The following FAM168A variants were observed in gnomAD, a reference collection of about 807,000 sequenced individuals.
FAM168A encodes family with sequence similarity 168 member A.
Under a neutral mutation model 28.5 loss-of-function variants are expected in FAM168A, and 3 were observed. The ratio of observed to expected loss-of-function variants is 0.11; its 90% confidence interval spans 0.05 to 0.27. The LOEUF (loss-of-function observed/expected upper bound fraction) is 0.27, where lower values mean the gene tolerates loss of function less well. Ranked by LOEUF, FAM168A falls within the 10% of genes least tolerant of loss-of-function variation. FAM168A has a pLI of 1.00. For missense variants in FAM168A, 222 were observed against 311.5 expected (o/e 0.71, Z 2.16); for synonymous variants, 122 against 124.2 (o/e 0.98, Z 0.12).
rs370246141 is a variant in FAM168A at position 73,587,789 on chromosome 11, G to A, written c.-19+10134C>T. Among the ~76,000 whole-genome samples, 7 of 151,554 alleles carry A rather than the reference G, an allele frequency of 4.6e-5. No homozygotes were observed. The East Asian group carries it at 7.8e-4, about 17-fold the overall frequency. ...TTTTGAGATGGAGTCTAGTTCTGTCGCCCAGGCTGGAGGGCAGTGGCGCAA... is the reference window on the plus strand; with the variant it reads ...TTTTGAGATGGAGTCTAGTTCTGTCACCCAGGCTGGAGGGCAGTGGCGCAA... On this transcript the variant is annotated intron_variant, in intron 1 of 7. Coordinates refer to ENST00000356467, the MANE Select transcript of FAM168A (RefSeq NM_015159.3).
At chr11:73,408,483 A>G (rs1866548594) in intron 6 of FAM168A, among the ~76,000 whole-genome samples, 1 of 152,142 alleles carries the variant, frequency 6.6e-6, no homozygotes, top group Admixed American at 6.5e-5. Flanking sequence ...TGGTTCTTTA[A>G]AAGTTGGGTC....
At chr11:73,512,641 G>C (rs988101622) in intron 1 of FAM168A, among the ~76,000 whole-genome samples, 2 of 151,516 alleles carry the variant, frequency 1.3e-5, no homozygotes, top group Non-Finnish European at 1.5e-5. Flanking sequence ...GGGTCAGAGA[G>C]CTAGGAATTG....
chr11:73,433,457 C>T (rs1464917659), intron 2 of FAM168A, among the ~76,000 whole-genome samples: 2 of 151,674 alleles, frequency 1.3e-5, no homozygotes, highest in African/African-American at 4.8e-5. Flanking sequence ...AATCCACTGC[C>T]AAATCCAAGG....
At chr11:73,545,471 G>T (rs903614386) in intron 1 of FAM168A, among the ~76,000 whole-genome samples, 4 of 151,808 alleles carry the variant, frequency 2.6e-5, no homozygotes, top group African/African-American at 9.7e-5. Context: ...ATTGCTAAAG[G>T]GTACAAGTTT....
intron 1 of FAM168A, among the ~76,000 whole-genome samples, chr11:73,595,443 C>T (rs1944431938): frequency 6.6e-6 from 1 of 152,094 alleles, no homozygotes; most frequent in South Asian, 2.1e-4. Context: ...GAAGCTTGAA[C>T]AAAAATAAAA....
chr11:73,501,022 A>C (rs1855001110), intron 1 of FAM168A, among the ~76,000 whole-genome samples: 1 of 152,156 alleles, frequency 6.6e-6, no homozygotes, highest in Non-Finnish European at 1.5e-5. Context: ...AAGCAAAAAA[A>C]AAAAAAGCAG....
intron 3 of FAM168A, among the ~76,000 whole-genome samples, chr11:73,428,854 A>G (rs1565240143): frequency 6.6e-6 from 1 of 152,202 alleles, no homozygotes; most frequent in African/African-American, 2.4e-5. Context: ...AAAGGCAATG[A>G]CTACAGCTTC....
At chr11:73,524,020 C>T (rs539593841) in intron 1 of FAM168A, among the ~76,000 whole-genome samples, 1 of 151,980 alleles carries the variant, frequency 6.6e-6, no homozygotes, top group Non-Finnish European at 1.5e-5. Flanking sequence ...CCACTGCCCC[C>T]GGCCCCTACT....
intron 2 of FAM168A, among the ~76,000 whole-genome samples, chr11:73,436,909 A>G (rs1437187691): frequency 6.6e-6 from 1 of 152,198 alleles, no homozygotes. Context: ...TGTGTTTAAG[A>G]AAAGAAATAA....
intron 2 of FAM168A, among the ~76,000 whole-genome samples, chr11:73,460,793 T>C (rs1565255575): frequency 6.6e-6 from 1 of 152,186 alleles, no homozygotes; most frequent in East Asian, 1.9e-4. Context: ...CGTGAGCCAC[T>C]GTGCCCAGCC....
intron 2 of FAM168A, among the ~76,000 whole-genome samples, chr11:73,444,434 C>G (rs1437368777): frequency 6.6e-6 from 1 of 152,170 alleles, no homozygotes. Context: ...CAAGCACAAG[C>G]TGGACAAAAG....
At chr11:73,543,170 G>A (rs1005313135) in intron 1 of FAM168A, among the ~76,000 whole-genome samples, 2 of 151,542 alleles carry the variant, frequency 1.3e-5, no homozygotes, top group Admixed American at 6.6e-5. Context: ...TTGAAAGCAC[G>A]GACTTTATTT....
intron 2 of FAM168A, among the ~76,000 whole-genome samples, chr11:73,436,613 G>A (rs978772137): frequency 6.6e-6 from 1 of 152,186 alleles, no homozygotes; most frequent in African/African-American, 2.4e-5. Flanking sequence ...TGGCCACTGT[G>A]CTAGGCACTT....
intron 1 of FAM168A, among the ~76,000 whole-genome samples, chr11:73,484,554 CTA>C (rs1491565513): frequency 8.9e-4 from 127 of 142,602 alleles, no homozygotes; most frequent in African/African-American, 3.2e-3. Context: ...CTATCTATAT[CTA>C]TATATCTATA....
chr11:73,580,379 GC>G, intron 1 of FAM168A: 1 of 612,208 alleles, frequency 1.6e-6, no homozygotes, highest in Non-Finnish European at 3.2e-6. Context: ...GGCCAAAAAA[GC>G]CCCTGCAAAG....
chr11:73,487,604 T>A (rs111314474), intron 1 of FAM168A, among the ~76,000 whole-genome samples: 1 of 152,216 alleles, frequency 6.6e-6, no homozygotes, highest in Non-Finnish European at 1.5e-5. Context: ...ATGATTATAA[T>A]GCATTGCCCT....
intron 1 of FAM168A, among the ~76,000 whole-genome samples, chr11:73,534,906 C>G (rs1324498528): frequency 6.6e-6 from 1 of 152,140 alleles, no homozygotes; most frequent in Non-Finnish European, 1.5e-5. Context: ...GGTTACTATA[C>G]AGCAAAGAAG....
At chr11:73,420,751 T>G (rs1057162480) in intron 3 of FAM168A, 1 of 152,342 alleles carries the variant, frequency 6.6e-6, no homozygotes, top group Non-Finnish European at 1.5e-5. Flanking sequence ...ATATGAAATT[T>G]GGGGTAGGTA....
At chr11:73,469,292 C>A (rs533555934) in intron 1 of FAM168A, among the ~76,000 whole-genome samples, 58 of 152,276 alleles carry the variant, frequency 3.8e-4, no homozygotes, top group Non-Finnish European at 7.1e-4. Flanking sequence ...GTTTAGGGAG[C>A]CTTTCCTTAC....
Sources: gnomAD v4.1 joint callset for allele counts (sites outside exome capture counted in the v4.1 genomes callset) on GRCh38, gnomAD v4.1.1 for gene constraint, MANE v1.5 for transcripts, NCBI Gene and HGNC (gene_info 2026-07-23, HGNC 2026-07-21) for gene names.